The following CSMD1 variants were observed in gnomAD, a reference collection of about 807,000 sequenced individuals.
The protein encoded by CSMD1 is CUB and sushi domain-containing protein 1.
A neutral mutation model predicts 417.5 loss-of-function variants in CSMD1; 213 were observed. The observed-to-expected ratio is 0.51, with a 90% CI of 0.46 to 0.57. The LOEUF is 0.57. Ranked by LOEUF, CSMD1 falls within the 20% of genes least tolerant of loss-of-function variation. The pLI is 0.00. For missense variants in CSMD1, 6,923 were observed against 4,529.7 expected (o/e 1.53, Z -15.17); for synonymous variants, 2,862 against 1,736.8 (o/e 1.65, Z -16.11).
At chr8:3,354,881 A>T (rs558927202) in intron 21 of CSMD1, among the ~76,000 whole-genome samples, 3 of 150,092 alleles carry the variant, frequency 2.0e-5, no homozygotes, top group Non-Finnish European at 4.5e-5. Flanking sequence ...ACATATATCT[A>T]TAGATATGTC....
At chr8:3,869,204 T>A (rs577977777) in intron 5 of CSMD1, among the ~76,000 whole-genome samples, 1 of 152,250 alleles carries the variant, frequency 6.6e-6, no homozygotes, top group African/African-American at 2.4e-5. Flanking sequence ...CACTAGGCCC[T>A]CCACCTCGGT....
intron 1 of CSMD1, among the ~76,000 whole-genome samples, chr8:4,956,602 TTTTTA>T (rs1435249323): frequency 2.1e-5 from 3 of 144,972 alleles, no homozygotes; most frequent in African/African-American, 8.5e-5. Context: ...ATAACAGATA[TTTTTA>T]TTTTATAAAT....
intron 3 of CSMD1, among the ~76,000 whole-genome samples, chr8:4,345,601 G>C (rs1005040662): frequency 6.6e-6 from 1 of 151,936 alleles, no homozygotes; most frequent in South Asian, 2.1e-4. Context: ...GGAAATCACA[G>C]AAAACAAAAA....
At chr8:3,436,979 C>T (rs530829037) in intron 12 of CSMD1, among the ~76,000 whole-genome samples, 1 of 152,178 alleles carries the variant, frequency 6.6e-6, no homozygotes, top group African/African-American at 2.4e-5. Flanking sequence ...ATGCAAGAAG[C>T]AGACAGGGAC....
chr8:3,639,183 G>C (rs574267138), intron 7 of CSMD1, among the ~76,000 whole-genome samples: 4 of 152,212 alleles, frequency 2.6e-5, no homozygotes, highest in African/African-American at 4.8e-5. Context: ...AGAGGACAGA[G>C]TAAGTCAGAA....
intron 7 of CSMD1, among the ~76,000 whole-genome samples, chr8:3,621,639 C>A (rs952073203): frequency 5.9e-5 from 9 of 151,980 alleles, no homozygotes; most frequent in African/African-American, 2.2e-4. Context: ...GTTGCCCAGG[C>A]TGCAGTGCAG....
chr8:4,175,611 T>A (rs975967524), intron 3 of CSMD1, among the ~76,000 whole-genome samples: 3 of 152,110 alleles, frequency 2.0e-5, no homozygotes, highest in Non-Finnish European at 4.4e-5. Flanking sequence ...GATCACGCAA[T>A]TATCACAGCA....
intron 3 of CSMD1, among the ~76,000 whole-genome samples, chr8:4,375,059 G>T (rs553954734): frequency 2.3e-4 from 35 of 151,868 alleles, no homozygotes; most frequent in Non-Finnish European, 4.6e-4. Flanking sequence ...GCTGTTATAG[G>T]TAGAAAAGGA....
intron 3 of CSMD1, among the ~76,000 whole-genome samples, chr8:4,060,551 G>A (rs528756954): frequency 2.6e-5 from 4 of 152,234 alleles, no homozygotes; most frequent in East Asian, 3.9e-4. Flanking sequence ...CCTCTGCAAT[G>A]GTTAACAGTG....
chr8:4,183,163 G>C (rs983987329), intron 3 of CSMD1, among the ~76,000 whole-genome samples: 9 of 152,118 alleles, frequency 5.9e-5, no homozygotes, highest in African/African-American at 1.9e-4. Flanking sequence ...TAATGCGTAA[G>C]TGCAGTATAG....
At chr8:3,244,130 C>A (rs890730110) in intron 26 of CSMD1, among the ~76,000 whole-genome samples, 2 of 152,182 alleles carry the variant, frequency 1.3e-5, no homozygotes, top group African/African-American at 4.8e-5. Flanking sequence ...GACCCTCTGT[C>A]GTTCAACACG....
chr8:3,869,219 C>T (rs1382792394), intron 5 of CSMD1, among the ~76,000 whole-genome samples: 2 of 152,150 alleles, frequency 1.3e-5, no homozygotes, highest in African/African-American at 4.8e-5. Context: ...CTCGGTGTTT[C>T]TCTGATGCTC....
intron 5 of CSMD1, among the ~76,000 whole-genome samples, chr8:3,809,492 C>T (rs897022562): frequency 3.9e-5 from 6 of 152,192 alleles, no homozygotes; most frequent in Non-Finnish European, 5.9e-5. Flanking sequence ...CGTGATCCTT[C>T]AGTTTCCTTT....
intron 1 of CSMD1, among the ~76,000 whole-genome samples, chr8:4,704,717 T>A (rs1175978665): frequency 6.6e-6 from 1 of 152,234 alleles, no homozygotes; most frequent in Non-Finnish European, 1.5e-5. Context: ...GCTTGCTTAA[T>A]GGAATGCCTG....
chr8:4,548,393 T>A (rs910092608), intron 2 of CSMD1, among the ~76,000 whole-genome samples: 1 of 152,212 alleles, frequency 6.6e-6, no homozygotes, highest in African/African-American at 2.4e-5. Flanking sequence ...GTTGTATATT[T>A]AGACGCATAG....
rs564893653 is a variant in CSMD1 at position 3,503,926 on chromosome 8, G to C, written c.1345-10200C>G. 7.9e-5 allele frequency among the ~76,000 whole-genome samples: 12 copies of C among 151,086 alleles called. No individual in the cohort carries two copies. In the East Asian group the frequency reaches 2.2e-3, roughly 27 times the overall value. ...ATCAACTTTTTAAACTTCCACATGA[G>C]TGAGAATATGGAGGCGGGGGTTAGG... On this transcript the variant is annotated intron_variant, in intron 10 of 69. Coordinates refer to ENST00000635120, the MANE Select transcript of CSMD1 (RefSeq NM_033225.6).
chr8:3,027,124 T>G (rs1325258030), intron 51 of CSMD1, among the ~76,000 whole-genome samples: 1 of 152,128 alleles, frequency 6.6e-6, no homozygotes, highest in Non-Finnish European at 1.5e-5. Flanking sequence ...TTTTTTTAAA[T>G]GTTTAAAATA....
chr8:3,665,347 C>G (rs564795105), intron 7 of CSMD1, among the ~76,000 whole-genome samples: 2 of 151,988 alleles, frequency 1.3e-5, no homozygotes, highest in Non-Finnish European at 2.9e-5. Flanking sequence ...CTGGCCCATA[C>G]GGCAACACCC....
intron 26 of CSMD1, chr8:3,278,856 G>C (rs979269230): frequency 6.6e-6 from 1 of 152,174 alleles, no homozygotes. Context: ...GCCAGTGAGG[G>C]GACGAATGTG....
Sources: gnomAD v4.1 joint callset for allele counts (sites outside exome capture counted in the v4.1 genomes callset) on GRCh38, gnomAD v4.1.1 for gene constraint, MANE v1.5 for transcripts, NCBI Gene and HGNC (gene_info 2026-07-23, HGNC 2026-07-21) for gene names.